Variants in ACBD6 observed in about 807,000 individuals in gnomAD.
ACBD6 encodes acyl-CoA-binding domain-containing protein 6.
Under a neutral mutation model 37.2 loss-of-function variants are expected in ACBD6, and 28 were observed. That is an observed-to-expected ratio of 0.75 (90% confidence interval 0.56 to 1.03). The LOEUF (loss-of-function observed/expected upper bound fraction) is 1.03, where lower values mean the gene tolerates loss of function less well. Ranked by LOEUF, ACBD6 falls within the 50% of genes least tolerant of loss-of-function variation. ACBD6 has a pLI of 0.00. For missense variants in ACBD6, 340 were observed against 337.4 expected (o/e 1.01, Z -0.06); for synonymous variants, 113 against 126.8 (o/e 0.89, Z 0.73).
intron 6 of ACBD6, among the ~76,000 whole-genome samples, chr1:180,378,407 GA>G (rs1256539489): frequency 6.6e-6 from 1 of 152,134 alleles, no homozygotes; most frequent in African/African-American, 2.4e-5. Flanking sequence ...GATATTAGTA[GA>G]AAAACTGTTG....
At chr1:180,402,996 T>C (rs1016782420) in intron 5 of ACBD6, among the ~76,000 whole-genome samples, 1 of 152,140 alleles carries the variant, frequency 6.6e-6, no homozygotes, top group African/African-American at 2.4e-5. Context: ...TGATGGAACA[T>C]ATTCAGCAGT....
At chr1:180,397,372 T>C (rs1263011342) in intron 6 of ACBD6, 144 bp downstream of exon 6, 30 of 777,428 alleles carry the variant, frequency 3.9e-5, no homozygotes, top group Non-Finnish European at 6.6e-5. Context: ...TACGGAACTA[T>C]ATAGTAGCAA....
chr1:180,467,900 C>A (rs1650413134), intron 3 of ACBD6, among the ~76,000 whole-genome samples: 1 of 152,150 alleles, frequency 6.6e-6, no homozygotes, highest in Non-Finnish European at 1.5e-5. Context: ...CTAAAACCTG[C>A]AGACATTTTC....
intron 3 of ACBD6, among the ~76,000 whole-genome samples, chr1:180,466,704 G>A (rs1023897786): frequency 6.6e-6 from 1 of 152,096 alleles, no homozygotes; most frequent in East Asian, 1.9e-4. Context: ...TATAGCTCAT[G>A]AATGTCAAAA....
chr1:180,484,715 T>C (rs913250640), intron 3 of ACBD6, among the ~76,000 whole-genome samples: 1 of 152,196 alleles, frequency 6.6e-6, no homozygotes, highest in African/African-American at 2.4e-5. Flanking sequence ...TCAACATGTG[T>C]ATCTACGCAC....
chr1:180,359,957 T>C (rs6425624), intron 6 of ACBD6, among the ~76,000 whole-genome samples: 145,398 of 152,268 alleles, frequency 0.95, 69,485 homozygotes, highest in African/African-American at 0.99. Flanking sequence ...TTATTTACTA[T>C]GCAAAAATAA....
rs138801527 is a variant in ACBD6 at position 180,280,108 on chromosome 1, C to T, written c.*174+1198G>A. 5.5e-3 allele frequency among the ~76,000 whole-genome samples: 833 copies of T among 152,266 alleles called. 13 individuals carry two copies. Among genetic ancestry groups the T allele is most frequent in the Non-Finnish European group, 6.3e-3 (431 of 68,016 alleles). On this transcript the variant is annotated intron_variant, in intron 9 of 13. Coordinates refer to the ACBD6 transcript ENST00000642319. ...GTGACCAGTGGCTACTGTATTTGGACGACACTGATATAAAACAGTTCTATC... is the reference window on the plus strand; with the variant it reads ...GTGACCAGTGGCTACTGTATTTGGATGACACTGATATAAAACAGTTCTATC...
chr1:180,450,845 TATAAC>T (rs1649677862), intron 3 of ACBD6, among the ~76,000 whole-genome samples: 1 of 152,018 alleles, frequency 6.6e-6, no homozygotes, highest in South Asian at 2.1e-4. Context: ...AAAGCAAAAA[TATAAC>T]AGAGTAGAAA....
chr1:180,382,427 T>C (rs1259348959), intron 6 of ACBD6, among the ~76,000 whole-genome samples: 2 of 151,892 alleles, frequency 1.3e-5, no homozygotes, highest in African/African-American at 2.4e-5. Flanking sequence ...TATGAACAAT[T>C]ACACAATAAA....
At chr1:180,500,140 A>C (rs1354610345) in intron 1 of ACBD6, among the ~76,000 whole-genome samples, 1 of 151,846 alleles carries the variant, frequency 6.6e-6, no homozygotes, top group Non-Finnish European at 1.5e-5. Context: ...GTTAAAAAAA[A>C]AAAAAAAAGA....
chr1:180,269,772 C>G (rs985442229), exon 14 of ACBD6: 1 of 152,222 alleles, frequency 6.6e-6, no homozygotes, highest in African/African-American at 2.4e-5. Context: ...TAAATATGCA[C>G]AGAAGGGACA....
intron 3 of ACBD6, among the ~76,000 whole-genome samples, chr1:180,441,565 G>GT (rs1238028017): frequency 6.6e-6 from 1 of 152,106 alleles, no homozygotes; most frequent in Non-Finnish European, 1.5e-5. Flanking sequence ...CGGCAATATA[G>GT]TTTTCAGTCT....
intron 6 of ACBD6, among the ~76,000 whole-genome samples, chr1:180,359,200 T>C (rs1433383247): frequency 6.6e-6 from 1 of 152,184 alleles, no homozygotes; most frequent in Non-Finnish European, 1.5e-5. Flanking sequence ...GATAGTACCC[T>C]TAATCCCAAA....
rs751597418 is a variant in ACBD6 at position 180,502,030 on chromosome 1, T to TC, written c.222+14dup. On this transcript the variant is annotated intron_variant, in intron 1 of 7. Coordinates refer to ENST00000367595, the MANE Select transcript of ACBD6 (RefSeq NM_032360.4). Reference sequence around the variant, plus strand: ...GTGTCTTTCTCCCCCATCCACCCTCTCCCTGCTACTTTACCTGTTTGTACC... The same window carrying TC: ...GTGTCTTTCTCCCCCATCCACCCTCTCCCCTGCTACTTTACCTGTTTGTACC... 7.1e-5 allele frequency: 114 copies of TC among 1,612,316 alleles called. No individual in the cohort carries two copies. Among genetic ancestry groups the TC allele is most frequent in the Non-Finnish European group, 8.4e-5 (99 of 1,179,212 alleles).
At position 180,499,401 on chromosome 1, in the gene ACBD6, A is replaced by G. The variant is rs751530028; in HGVS notation, c.222+2644T>C. 3.3e-5 allele frequency among the ~76,000 whole-genome samples: 5 copies of G among 152,226 alleles called. No homozygotes were observed. The East Asian group carries it at 5.8e-4, about 18-fold the overall frequency. On this transcript the variant is annotated intron_variant, in intron 1 of 7. Coordinates refer to ENST00000367595, the MANE Select transcript of ACBD6 (RefSeq NM_032360.4). ...GCAGAATTTTATTTTCAGATACAGAATATCTCTAAACACCATAAAGTCAAG... is the reference window on the plus strand; with the variant it reads ...GCAGAATTTTATTTTCAGATACAGAGTATCTCTAAACACCATAAAGTCAAG...
intron 6 of ACBD6, among the ~76,000 whole-genome samples, chr1:180,353,362 G>T (rs1652491305): frequency 6.6e-6 from 1 of 152,076 alleles, no homozygotes; most frequent in Non-Finnish European, 1.5e-5. Flanking sequence ...TGTCATTTTA[G>T]ATGTTTTACT....
At chr1:180,271,528 C>T (rs780186723) in exon 14 of ACBD6, 8 of 1,614,080 alleles carry the variant, frequency 5.0e-6, no homozygotes, top group East Asian at 2.2e-5. Flanking sequence ...ACATGAGGGT[C>T]GTACAGGTGA....
chr1:180,288,516 G>A lies in ACBD6; in HGVS notation c.696C>T (p.Ala232=), dbSNP rs1336080067. 1.9e-6 allele frequency: 3 copies of A among 1,612,520 alleles called. No homozygotes were observed. The highest frequency in any genetic ancestry group is 1.7e-6 in the Non-Finnish European group (2 of 1,179,416). The part of the protein sequence containing the change: ...DNEGQTALHY[A]SACEFLDIVE... Reference sequence around the variant, plus strand: ...CAATATCCAGAAACTCACAGGCAGAGGCTGAAAGGAAAATTGACAAATATG... The same window carrying A: ...CAATATCCAGAAACTCACAGGCAGAAGCTGAAAGGAAAATTGACAAATATG... The change falls in exon 8 of 8, where the codon GCC becomes GCT. Residue 232 remains alanine, a splice_region_variant and synonymous_variant. Transcript: ENST00000367595.
chr1:180,457,247 G>A (rs1649960483), intron 3 of ACBD6, among the ~76,000 whole-genome samples: 1 of 152,098 alleles, frequency 6.6e-6, no homozygotes, highest in Non-Finnish European at 1.5e-5. Flanking sequence ...GGGTCCAACT[G>A]CCTGGTGAAG....
Sources: allele counts gnomAD v4.1 joint callset (sites outside exome capture counted in the v4.1 genomes callset), GRCh38; gene constraint gnomAD v4.1.1; transcripts MANE v1.5; gene names NCBI Gene and HGNC (gene_info 2026-07-23, HGNC 2026-07-21).